The following RRBP1 variants were observed in gnomAD, a reference collection of about 807,000 sequenced individuals.
The protein encoded by RRBP1 is ribosome binding protein 1, also known as ribosome-binding protein 1.
Under a neutral mutation model 165.2 loss-of-function variants are expected in RRBP1, and 94 were observed. The ratio of observed to expected loss-of-function variants is 0.57; its 90% CI spans 0.48 to 0.68. The LOEUF is 0.68. Ranked by LOEUF, RRBP1 falls within the 30% of genes least tolerant of loss-of-function variation. The probability of loss-of-function intolerance (pLI) is 0.00; values close to 1 mark genes in which losing one functional copy is unlikely to be tolerated. For synonymous variants in RRBP1, 680 were observed against 714.5 expected (o/e 0.95, Z 0.77); for missense variants, 1,676 against 1,763.0 (o/e 0.95, Z 0.88).
intron 12 of RRBP1, 85 bp downstream of exon 12, chr20:17,625,427 G>A: frequency 8.5e-7 from 1 of 1,176,222 alleles, no homozygotes; most frequent in Non-Finnish European, 1.3e-6. Flanking sequence ...CCGAGTCCAG[G>A]GCGGGTGCCA....
At chr20:17,618,991 T>A in intron 19 of RRBP1, 1 of 362,230 alleles carries the variant, frequency 2.8e-6, no homozygotes, top group South Asian at 2.7e-5. Flanking sequence ...TCTCAATCTG[T>A]CATCCACGCT....
chr20:17,650,853 T>C (rs938344571), intron 3 of RRBP1, among the ~76,000 whole-genome samples: 6 of 152,210 alleles, frequency 3.9e-5, no homozygotes, highest in Non-Finnish European at 7.3e-5. Flanking sequence ...CAAACCAGCA[T>C]AATCCTGCAA....
At chr20:17,616,579 A>G (rs962149428) in intron 21 of RRBP1, among the ~76,000 whole-genome samples, 153 bp downstream of exon 21, 1 of 152,176 alleles carries the variant, frequency 6.6e-6, no homozygotes, top group African/African-American at 2.4e-5. Context: ...GCTTTCTCCG[A>G]ACCTGGATGA....
chr20:17,620,241 G>T, intron 18 of RRBP1, 58 bp downstream of exon 18: 1 of 1,298,474 alleles, frequency 7.7e-7, no homozygotes, highest in Non-Finnish European at 1.1e-6. Flanking sequence ...CTGCATTAAC[G>T]TCACTTTCAA....
intron 2 of RRBP1, among the ~76,000 whole-genome samples, chr20:17,664,602 A>T (rs2036833977): frequency 6.6e-6 from 1 of 152,226 alleles, no homozygotes; most frequent in Non-Finnish European, 1.5e-5. Flanking sequence ...TTCGGGGAAC[A>T]AAAGTAAGAG....
At chr20:17,647,518 C>G (rs1367921756) in intron 3 of RRBP1, among the ~76,000 whole-genome samples, 1 of 152,210 alleles carries the variant, frequency 6.6e-6, no homozygotes, top group South Asian at 2.1e-4. Flanking sequence ...TTTCAGGATG[C>G]CCAGGGGGAT....
chr20:17,645,324 T>C (rs1391664996), intron 3 of RRBP1, among the ~76,000 whole-genome samples: 1 of 152,248 alleles, frequency 6.6e-6, no homozygotes, highest in Admixed American at 6.5e-5. Flanking sequence ...CATAAATCTT[T>C]ATTAAAACTT....
At chr20:17,671,364 A>G (rs2036975739) in intron 2 of RRBP1, among the ~76,000 whole-genome samples, 1 of 152,206 alleles carries the variant, frequency 6.6e-6, no homozygotes, top group African/African-American at 2.4e-5. Flanking sequence ...TTCGTTTGAT[A>G]ATTACAACTG....
In RRBP1 at chr20:17,613,966, G is replaced by A. The variant is rs1299979656; in HGVS notation, c.*216C>T. 3.4e-6 allele frequency: 2 copies of A among 583,988 alleles called. No homozygotes were observed. Among genetic ancestry groups the A allele is most frequent in the Non-Finnish European group, 6.1e-6 (2 of 326,102 alleles). 36.2% of individuals were successfully genotyped at this position (583,988 alleles called of 1,614,324 possible). ...GGCGGTGGCCCGGGGCTGCGCCCAGGATAGTGTTTATCAAATGTGACACAG... is the reference window on the plus strand; with the variant it reads ...GGCGGTGGCCCGGGGCTGCGCCCAGAATAGTGTTTATCAAATGTGACACAG... On this transcript the variant is annotated 3_prime_UTR_variant, in exon 25 of 25. Transcript: ENST00000377813.
chr20:17,629,529 A>G (rs2036104878), intron 9 of RRBP1, among the ~76,000 whole-genome samples: 1 of 149,712 alleles, frequency 6.7e-6, no homozygotes, highest in Non-Finnish European at 1.5e-5. Flanking sequence ...CCCTGCTCCC[A>G]TGCACCAGGC....
chr20:17,617,773 GCTGCTGC>G (rs2035829746), intron 20 of RRBP1, among the ~76,000 whole-genome samples: 1 of 152,230 alleles, frequency 6.6e-6, no homozygotes, highest in African/African-American at 2.4e-5. Context: ...GGACTCACTG[GCTGCTGC>G]AGGGGGAATG....
intron 11 of RRBP1, 86 bp from the exon 12 acceptor site, chr20:17,625,688 G>A (rs1005660603): frequency 7.4e-5 from 83 of 1,121,266 alleles, no homozygotes; most frequent in Middle Eastern, 2.0e-4. Flanking sequence ...CCAGGGAGGA[G>A]TACCTTCGAG....
chr20:17,640,474 A>C (rs1049564599), intron 5 of RRBP1, among the ~76,000 whole-genome samples: 3 of 152,162 alleles, frequency 2.0e-5, no homozygotes, highest in African/African-American at 7.2e-5. Flanking sequence ...GGGCAGACTT[A>C]GGTCTGAAGA....
rs200124781 is a variant in RRBP1, at chr20:17,660,101, G to C, written c.407C>G (p.Pro136Arg). Residue 136 changes from proline to arginine, a missense_variant, in exon 3 of 25, where the codon CCC becomes CGC. Coordinates refer to ENST00000377813, the MANE Select transcript of RRBP1 (RefSeq NM_001365613.2). ...AMPQEKLASS[P>R]KDKKKKEKKV... The stretch of plus-strand genomic sequence containing the variant: ...TTTCTCCTTCTTCTTTTTGTCCTTG[G>C]GGGAGGAGGCCAGCTTCTCCTGGGG... 5 of 1,614,018 alleles carry C rather than the reference G, an allele frequency of 3.1e-6. No homozygotes were observed. Among genetic ancestry groups the C allele is most frequent in the African/African-American group, 1.3e-5 (1 of 74,914 alleles).
chr20:17,625,718 G>A, intron 11 of RRBP1, 116 bp from the exon 12 acceptor site: 1 of 875,272 alleles, frequency 1.1e-6, no homozygotes. Flanking sequence ...TCTGGCCAGG[G>A]ACGGTCCCTT....
At chr20:17,665,062 A>G (rs906848015) in intron 2 of RRBP1, among the ~76,000 whole-genome samples, 4 of 152,092 alleles carry the variant, frequency 2.6e-5, no homozygotes, top group African/African-American at 9.7e-5. Context: ...TATGCACTTT[A>G]GATATTTATT....
In RRBP1 at chr20:17,660,321, CCTT is replaced by C. The variant is rs777987396; in HGVS notation, c.184_186del (p.Lys62del). On this transcript the variant is annotated inframe_deletion, in exon 3 of 25. Transcript: ENST00000377813. ...TTTCCTTTCTTCTCCACTGTTTTCT[CCTT>C]CTTTTTCTTCTCGACTTTCTGGTGG... 40 of 1,611,936 alleles carry C rather than the reference CCTT, an allele frequency of 2.5e-5. No individual in the cohort carries two copies. Among genetic ancestry groups the C allele is most frequent in the Non-Finnish European group, 3.1e-5 (37 of 1,178,914 alleles).
intron 9 of RRBP1, among the ~76,000 whole-genome samples, chr20:17,628,298 C>T (rs79192755): frequency 3.0e-4 from 45 of 152,298 alleles, no homozygotes; most frequent in Middle Eastern, 3.4e-3. Flanking sequence ...AGTTAGACAA[C>T]GCAAACCCAA....
At chr20:17,668,302 C>T (rs1219037223) in intron 2 of RRBP1, among the ~76,000 whole-genome samples, 7 of 152,240 alleles carry the variant, frequency 4.6e-5, no homozygotes, top group Non-Finnish European at 8.8e-5. Flanking sequence ...CTGAATCTCA[C>T]CAGCTCTATA....
Sources: allele counts gnomAD v4.1 joint callset (sites outside exome capture counted in the v4.1 genomes callset), GRCh38; gene constraint gnomAD v4.1.1; transcripts MANE v1.5; gene names NCBI Gene and HGNC (gene_info 2026-07-23, HGNC 2026-07-21).